Variants in FER observed in about 807,000 individuals in gnomAD.
The protein encoded by FER is FER tyrosine kinase.
In FER, 63 loss-of-function variants were observed where a neutral mutation model predicts 111.0. That is an observed-to-expected ratio of 0.57 (90% CI 0.46 to 0.70). FER has a LOEUF of 0.70. Among genes scored for constraint, FER ranks in the 30% least tolerant of loss-of-function variants. FER has a pLI of 0.00. For missense variants in FER, 914 were observed against 954.0 expected, an observed-to-expected ratio of 0.96 and a Z score of 0.55; for synonymous variants, 327 against 313.9, an observed-to-expected ratio of 1.04 and a Z score of -0.44.
At chr5:109,181,093 A>C (rs1013813820) in intron 18 of FER, among the ~76,000 whole-genome samples, 192 bp downstream of exon 18, 6 of 152,210 alleles carry the variant, frequency 3.9e-5, no homozygotes, top group Non-Finnish European at 8.8e-5. Context: ...ACATTGCTAT[A>C]TTAAAAAGGT....
intron 17 of FER, among the ~76,000 whole-genome samples, chr5:109,105,990 A>AGG (rs1208460994): frequency 6.6e-6 from 1 of 152,230 alleles, no homozygotes; most frequent in Non-Finnish European, 1.5e-5. Context: ...ACTCACAGTT[A>AGG]GGGAGTTTGA....
At chr5:108,789,100 G>T (rs1755069575) in intron 2 of FER, among the ~76,000 whole-genome samples, 1 of 152,194 alleles carries the variant, frequency 6.6e-6, no homozygotes, top group Admixed American at 6.5e-5. Flanking sequence ...ACAGAAAAGT[G>T]TACAAATCAT....
intron 13 of FER, among the ~76,000 whole-genome samples, chr5:108,993,025 G>C (rs1179252436): frequency 6.6e-6 from 1 of 151,494 alleles, no homozygotes; most frequent in Non-Finnish European, 1.5e-5. Context: ...TGGGATGGCG[G>C]CCGGGCAGAG....
chr5:108,816,143 G>T (rs536570783), intron 3 of FER, among the ~76,000 whole-genome samples: 2 of 151,898 alleles, frequency 1.3e-5, no homozygotes, highest in East Asian at 3.9e-4. Flanking sequence ...CCATGAGTTT[G>T]TTCCCACACA....
At position 109,105,867 on chromosome 5, in the gene FER, G is replaced by A. The variant is rs139506994; in HGVS notation, c.2048+5348G>A. Among the ~76,000 whole-genome samples, 10 of 152,232 alleles carry A rather than the reference G, an allele frequency of 6.6e-5. No individual in the cohort carries two copies. The East Asian group carries it at 1.3e-3, about 21-fold the overall frequency. ...GAGATCAGTGATTTTTATTCATATC[G>A]TTCACTAATGGATTCCAAAAGCCTG... On this transcript the variant is annotated intron_variant, in intron 17 of 19. Coordinates refer to ENST00000281092, the MANE Select transcript of FER (RefSeq NM_005246.4).
At chr5:109,062,769 G>A (rs1774590457) in intron 16 of FER, among the ~76,000 whole-genome samples, 1 of 151,838 alleles carries the variant, frequency 6.6e-6, no homozygotes, top group African/African-American at 2.4e-5. Flanking sequence ...CTTTCCCTAG[G>A]GATTAGTAAC....
intron 12 of FER, among the ~76,000 whole-genome samples, chr5:108,956,324 G>C (rs879054036): frequency 6.6e-6 from 1 of 151,592 alleles, no homozygotes; most frequent in East Asian, 1.9e-4. Flanking sequence ...GTATAAACTC[G>C]TTAACCACAA....
rs145728207 is a variant in FER at position 109,063,242 on chromosome 5, T to C, written c.1924+16044T>C. Reference sequence around the variant, plus strand: ...ATTTTTGCCAAAAAGTTAAATTCTTTTAAAAAATAAACATTTCATCCTTCC... The same window carrying C: ...ATTTTTGCCAAAAAGTTAAATTCTTCTAAAAAATAAACATTTCATCCTTCC... On this transcript the variant is annotated intron_variant, in intron 16 of 19. Transcript: ENST00000281092. 1.2e-3 allele frequency among the ~76,000 whole-genome samples: 185 copies of C among 152,346 alleles called. 3 individuals are homozygous for C. In the East Asian group the frequency reaches 0.034, roughly 28 times the overall value.
At chr5:109,159,445 ACT>A (rs1755759129) in intron 17 of FER, among the ~76,000 whole-genome samples, 1 of 126,086 alleles carries the variant, frequency 7.9e-6, no homozygotes, top group African/African-American at 3.0e-5. Flanking sequence ...AACAGGGATC[ACT>A]CTGTTGAATG....
chr5:108,901,840 A>C (rs573396635), intron 10 of FER, among the ~76,000 whole-genome samples: 1 of 152,178 alleles, frequency 6.6e-6, no homozygotes, highest in East Asian at 1.9e-4. Flanking sequence ...AATGCTAACC[A>C]CTCAGGAGTT....
In FER at chr5:109,195,815, A is replaced by C. The variant is rs1759707284; in HGVS notation, c.*8240A>C. 6.6e-6 allele frequency: 1 copy of C among 152,202 alleles called. No individual in the cohort carries two copies. The highest frequency in any genetic ancestry group is 2.4e-5 in the African/African-American group (1 of 41,434). 9.4% of individuals were successfully genotyped at this position (152,202 alleles called of 1,614,324 possible). ...CCACTGAAACAGCTTCTTTAGTCAGACGTCTATAGATTTTACATAAATTTA... is the reference window on the plus strand; with the variant it reads ...CCACTGAAACAGCTTCTTTAGTCAGCCGTCTATAGATTTTACATAAATTTA... On this transcript the variant is annotated 3_prime_UTR_variant, in exon 20 of 20. Transcript: ENST00000281092.
intron 10 of FER, among the ~76,000 whole-genome samples, chr5:108,940,046 A>G (rs553068911): frequency 5.9e-5 from 9 of 152,188 alleles, no homozygotes; most frequent in Non-Finnish European, 1.3e-4. Flanking sequence ...TATCCTCTCT[A>G]TCCCCTGAAA....
intron 17 of FER, among the ~76,000 whole-genome samples, chr5:109,174,254 T>G (rs992328207): frequency 3.9e-5 from 6 of 151,962 alleles, no homozygotes; most frequent in Admixed American, 2.0e-4. Context: ...AAATGAGAAA[T>G]GTAGGGAGAT....
intron 16 of FER, among the ~76,000 whole-genome samples, chr5:109,073,915 T>G (rs551270486): frequency 6.6e-6 from 1 of 152,302 alleles, no homozygotes; most frequent in East Asian, 1.9e-4. Context: ...CATTATTAAT[T>G]TGTGTTTACT....
At chr5:109,093,450 A>G (rs1747076220) in intron 16 of FER, among the ~76,000 whole-genome samples, 1 of 152,140 alleles carries the variant, frequency 6.6e-6, no homozygotes. Context: ...ACGTTGTGTA[A>G]ATTCTGACTA....
intron 3 of FER, among the ~76,000 whole-genome samples, chr5:108,829,154 A>C (rs1759781038): frequency 6.6e-6 from 1 of 152,052 alleles, no homozygotes; most frequent in Non-Finnish European, 1.5e-5. Flanking sequence ...TATCCCACCC[A>C]CCCAGCTAAT....
intron 10 of FER, among the ~76,000 whole-genome samples, chr5:108,910,549 A>G (rs1379314403): frequency 1.3e-5 from 2 of 152,140 alleles, no homozygotes; most frequent in African/African-American, 4.8e-5. Flanking sequence ...ATATTGTATA[A>G]TGGTGGGGTT....
chr5:108,845,009 TA>T (rs1561502664), intron 5 of FER, among the ~76,000 whole-genome samples: 2 of 33,134 alleles, frequency 6.0e-5, no homozygotes, highest in Admixed American at 7.5e-4. Context: ...TATATATATA[TA>T]TATATATATA....
chr5:109,077,386 A>G (rs1242090562), intron 16 of FER, among the ~76,000 whole-genome samples: 2 of 152,220 alleles, frequency 1.3e-5, no homozygotes, highest in Non-Finnish European at 2.9e-5. Context: ...AGCCTTTAAA[A>G]AATACCTTAA....
Sources: allele counts gnomAD v4.1 joint callset (sites outside exome capture counted in the v4.1 genomes callset), GRCh38; gene constraint gnomAD v4.1.1; transcripts MANE v1.5; gene names NCBI Gene and HGNC (gene_info 2026-07-23, HGNC 2026-07-21).